Variants in PTPRN2 observed in about 807,000 individuals in gnomAD.
PTPRN2 encodes the protein receptor-type tyrosine-protein phosphatase N2.
In PTPRN2, 74 loss-of-function variants were observed where a neutral mutation model predicts 118.8. The ratio of observed to expected loss-of-function variants is 0.62; its 90% CI spans 0.52 to 0.76. The LOEUF (loss-of-function observed/expected upper bound fraction) is 0.76, where lower values mean the gene tolerates loss of function less well. Among genes scored for constraint, PTPRN2 ranks in the 30% least tolerant of loss-of-function variants. The probability of loss-of-function intolerance (pLI) is 0.00; values close to 1 mark genes in which losing one functional copy is unlikely to be tolerated. For missense variants in PTPRN2, 1,481 were observed against 1,394.4 expected, an observed-to-expected ratio of 1.06 and a Z score of -0.99; for synonymous variants, 641 against 608.0, an observed-to-expected ratio of 1.05 and a Z score of -0.80.
intron 3 of PTPRN2, among the ~76,000 whole-genome samples, chr7:158,261,064 G>C (rs535842370): frequency 6.6e-6 from 1 of 152,132 alleles, no homozygotes; most frequent in African/African-American, 2.4e-5. Context: ...TGGGACCTGG[G>C]GTATCCAGCA....
chr7:158,016,147 T>C (rs539035799), intron 11 of PTPRN2, among the ~76,000 whole-genome samples: 8 of 152,328 alleles, frequency 5.3e-5, no homozygotes, highest in African/African-American at 1.4e-4. Context: ...GAAAAAACGA[T>C]GCTTCCGATT....
chr7:157,829,529 C>T (rs952133601), intron 12 of PTPRN2, among the ~76,000 whole-genome samples: 16 of 152,334 alleles, frequency 1.1e-4, no homozygotes, highest in Admixed American at 3.3e-4. Flanking sequence ...TGATGCTAAA[C>T]GGCGTGAAAG....
intron 12 of PTPRN2, among the ~76,000 whole-genome samples, chr7:157,805,639 C>A (rs1477567748): frequency 6.6e-6 from 1 of 152,134 alleles, no homozygotes; most frequent in African/African-American, 2.4e-5. Flanking sequence ...AGCCTGTTTG[C>A]CAGTTAAGCG....
intron 12 of PTPRN2, among the ~76,000 whole-genome samples, chr7:157,835,179 G>T (rs1584821149): frequency 6.6e-6 from 1 of 152,314 alleles, no homozygotes; most frequent in East Asian, 1.9e-4. Flanking sequence ...CTTCCAGGAG[G>T]ATTTCCTAAG....
intron 6 of PTPRN2, among the ~76,000 whole-genome samples, chr7:158,144,781 C>A (rs1010638801): frequency 6.6e-6 from 1 of 152,242 alleles, no homozygotes; most frequent in Non-Finnish European, 1.5e-5. Flanking sequence ...AACACCGTCA[C>A]TGTCAACACT....
intron 15 of PTPRN2, among the ~76,000 whole-genome samples, chr7:157,612,018 T>C (rs1340078701): frequency 6.6e-6 from 1 of 152,146 alleles, no homozygotes; most frequent in African/African-American, 2.4e-5. Flanking sequence ...GCCTCCGGAA[T>C]GGGAGACAGC....
chr7:158,290,458 T>A (rs1800050739), intron 3 of PTPRN2, among the ~76,000 whole-genome samples: 1 of 152,082 alleles, frequency 6.6e-6, no homozygotes, highest in South Asian at 2.1e-4. Flanking sequence ...AGAGACTAAG[T>A]CCACTGGGCA....
At chr7:158,329,448 C>CGGCTGAGA (rs1803948573) in intron 2 of PTPRN2, among the ~76,000 whole-genome samples, 1 of 152,178 alleles carries the variant, frequency 6.6e-6, no homozygotes, top group Non-Finnish European at 1.5e-5. Context: ...AGCAGGCGGA[C>CGGCTGAGA]GGCTGAGAGG....
chr7:157,545,153 G>A (rs1355294631), intron 22 of PTPRN2, among the ~76,000 whole-genome samples: 1 of 150,672 alleles, frequency 6.6e-6, no homozygotes, highest in Admixed American at 6.6e-5. Flanking sequence ...AGGTGTGTGG[G>A]TGTGTGCAGT....
At chr7:158,407,289 T>C (rs867204192) in intron 2 of PTPRN2, among the ~76,000 whole-genome samples, 19 of 65,938 alleles carry the variant, frequency 2.9e-4, no homozygotes, top group East Asian at 6.9e-4. Context: ...TCCTGGGTCC[T>C]GGGTCCTGCG....
At chr7:157,888,449 C>A (rs1423395125) in intron 12 of PTPRN2, among the ~76,000 whole-genome samples, 1 of 152,120 alleles carries the variant, frequency 6.6e-6, no homozygotes, top group Non-Finnish European at 1.5e-5. Flanking sequence ...ACCACGTGAG[C>A]TTCTCTTCCT....
intron 4 of PTPRN2, among the ~76,000 whole-genome samples, chr7:158,200,074 CAT>C (rs1277557171): frequency 6.6e-6 from 1 of 151,440 alleles, no homozygotes; most frequent in East Asian, 1.9e-4. Context: ...CCACAATCCA[CAT>C]ATGAGAAGAA....
intron 3 of PTPRN2, among the ~76,000 whole-genome samples, chr7:158,236,339 G>T (rs139818895): frequency 6.6e-6 from 1 of 152,144 alleles, no homozygotes; most frequent in African/African-American, 2.4e-5. Context: ...AGGTAGGGCC[G>T]CTTGTGCTCC....
In PTPRN2 at chr7:157,631,831, CAAA is replaced by C. The variant is rs564048764; in HGVS notation, c.2197-10325_2197-10323del. Among the ~76,000 whole-genome samples the C allele has an allele frequency of 4.4e-3, 319 of 72,440 alleles. 1 individual carries two copies. The highest frequency in any genetic ancestry group is 0.012 in the African/African-American group (294 of 24,782). The allele number at this position is 72,440 out of a possible 152,430, so 47.5% of individuals were successfully genotyped here. ...TGGGCGACAGAGCGAGACTCCGTCT[CAAA>C]AAAAAAAAAAAAAAGAGAGAATTAA... On this transcript the variant is annotated intron_variant, in intron 14 of 22. Transcript: ENST00000389418.
rs958868929 is a variant in PTPRN2 at position 158,438,317 on chromosome 7, C to T, written c.163+51418G>A. 1.3e-5 allele frequency among the ~76,000 whole-genome samples: 2 copies of T among 151,654 alleles called. No individual in the cohort carries two copies. The highest frequency in any genetic ancestry group is 2.9e-5 in the Non-Finnish European group (2 of 67,950). ...GCTTGAACCTGGGAGGCAGAAGTTGCAGTGCCACTGCACTCCAACCTGGGC... is the reference window on the plus strand; with the variant it reads ...GCTTGAACCTGGGAGGCAGAAGTTGTAGTGCCACTGCACTCCAACCTGGGC... On this transcript the variant is annotated intron_variant, in intron 2 of 22. Coordinates refer to ENST00000389418, the MANE Select transcript of PTPRN2 (RefSeq NM_002847.5). The surrounding 1 kb of genome is among the most constrained non-coding windows in gnomAD (Gnocchi z 4.7).
At chr7:158,183,597 G>GCA (rs1330177883) in intron 5 of PTPRN2, among the ~76,000 whole-genome samples, 1 of 152,256 alleles carries the variant, frequency 6.6e-6, no homozygotes, top group Non-Finnish European at 1.5e-5. Flanking sequence ...GACTGGGAAT[G>GCA]CACACAGGGC....
intron 12 of PTPRN2, among the ~76,000 whole-genome samples, chr7:157,771,916 A>T (rs1160387994): frequency 2.1e-4 from 31 of 149,046 alleles, no homozygotes; most frequent in Non-Finnish European, 4.5e-5. Flanking sequence ...ACACAGACAA[A>T]CACACAGAGA....
chr7:158,104,747 T>TTA (rs1815528456), intron 10 of PTPRN2, among the ~76,000 whole-genome samples: 4 of 63,152 alleles, frequency 6.3e-5, no homozygotes, highest in Admixed American at 2.0e-4. Context: ...CCTCAGCTCC[T>TTA]TCCCAACTCC....
chr7:158,302,670 C>T (rs774942496), intron 3 of PTPRN2, among the ~76,000 whole-genome samples: 5 of 152,232 alleles, frequency 3.3e-5, no homozygotes, highest in Admixed American at 6.5e-5. Flanking sequence ...ACGACTCACA[C>T]GTGCCGCAGC....
Sources: gnomAD v4.1 joint callset for allele counts (sites outside exome capture counted in the v4.1 genomes callset) on GRCh38, gnomAD v4.1.1 for gene constraint, Gnocchi (gnomAD v3.1) non-coding constraint, MANE v1.5 for transcripts, NCBI Gene and HGNC (gene_info 2026-07-23, HGNC 2026-07-21) for gene names.